Variants in FGF12 observed in about 807,000 individuals in gnomAD.
FGF12 encodes the protein fibroblast growth factor 12.
FGF12 carries 14 observed loss-of-function variants against 23.6 expected under a neutral mutation model. The observed-to-expected ratio is 0.59, with a 90% confidence interval of 0.39 to 0.93. The LOEUF (loss-of-function observed/expected upper bound fraction) is 0.93, where lower values mean the gene tolerates loss of function less well. FGF12 is among the 40% of genes least tolerant of loss of function. The pLI is 0.00. For missense variants in FGF12, 175 were observed against 217.8 expected, an observed-to-expected ratio of 0.80 and a Z score of 1.24; for synonymous variants, 62 against 77.3, an observed-to-expected ratio of 0.80 and a Z score of 1.04.
chr3:192,245,172 T>C (rs974849732), intron 4 of FGF12, among the ~76,000 whole-genome samples: 1 of 152,222 alleles, frequency 6.6e-6, no homozygotes, highest in African/African-American at 2.4e-5. Context: ...CAAATCTCAC[T>C]GCAGCCTTGA....
At chr3:192,301,581 A>G (rs9877210) in intron 4 of FGF12, among the ~76,000 whole-genome samples, 43,444 of 152,046 alleles carry the variant, frequency 0.29, 11,768 homozygotes, top group African/African-American at 0.7. Flanking sequence ...TCTACGGAGG[A>G]AAAGAGTACT....
chr3:192,369,319 G>A (rs990763512), intron 2 of FGF12, among the ~76,000 whole-genome samples: 6 of 152,108 alleles, frequency 3.9e-5, no homozygotes, highest in Admixed American at 6.6e-5. Flanking sequence ...CCTCTAATGC[G>A]TTTCTTCCAA....
chr3:192,645,518 G>A (rs754612136), intron 2 of FGF12, among the ~76,000 whole-genome samples: 4 of 151,982 alleles, frequency 2.6e-5, no homozygotes. Flanking sequence ...GGTGAAGAAA[G>A]ATAATGAGTC....
chr3:192,276,243 C>T (rs145984345), intron 4 of FGF12, among the ~76,000 whole-genome samples: 173 of 152,282 alleles, frequency 1.1e-3, no homozygotes, highest in African/African-American at 3.1e-3. Context: ...TTTCTTTTCC[C>T]TCACAAGAGC....
At chr3:192,260,008 TGGGC>T (rs1308363965) in intron 4 of FGF12, among the ~76,000 whole-genome samples, 1 of 152,160 alleles carries the variant, frequency 6.6e-6, no homozygotes, top group Non-Finnish European at 1.5e-5. Context: ...GTAAAATCTG[TGGGC>T]TTAGCCTAAG....
chr3:192,607,211 A>C (rs899448566), intron 2 of FGF12, among the ~76,000 whole-genome samples: 1 of 152,166 alleles, frequency 6.6e-6, no homozygotes. Context: ...AACCCACATG[A>C]AGCTGCCACA....
intron 4 of FGF12, among the ~76,000 whole-genome samples, chr3:192,288,157 G>A (rs1449219141): frequency 1.3e-5 from 2 of 152,056 alleles, no homozygotes; most frequent in Non-Finnish European, 2.9e-5. Flanking sequence ...AGCGATGTGT[G>A]GGCAGGGAAA....
intron 2 of FGF12, among the ~76,000 whole-genome samples, chr3:192,570,821 A>C (rs1365197986): frequency 6.6e-6 from 1 of 152,226 alleles, no homozygotes; most frequent in Non-Finnish European, 1.5e-5. Context: ...TATGTATAAG[A>C]AAAAATAAAA....
At chr3:192,720,831 C>A (rs557813508) in intron 2 of FGF12, among the ~76,000 whole-genome samples, 1 of 152,176 alleles carries the variant, frequency 6.6e-6, no homozygotes, top group Non-Finnish European at 1.5e-5. Flanking sequence ...GGACATACAT[C>A]ATCACCTGAG....
chr3:192,223,445 T>C (rs969554534), intron 4 of FGF12, among the ~76,000 whole-genome samples: 3 of 152,184 alleles, frequency 2.0e-5, no homozygotes, highest in African/African-American at 4.8e-5. Context: ...TAAAGGGCAA[T>C]TATTTCTATT....
chr3:192,281,970 G>A (rs374663011), intron 4 of FGF12, among the ~76,000 whole-genome samples: 3 of 152,094 alleles, frequency 2.0e-5, no homozygotes, highest in Admixed American at 6.6e-5. Flanking sequence ...AATTAGAAAC[G>A]AGAATTAACC....
chr3:192,580,142 A>G (rs575640308), intron 2 of FGF12, among the ~76,000 whole-genome samples: 1 of 152,162 alleles, frequency 6.6e-6, no homozygotes, highest in African/African-American at 2.4e-5. Flanking sequence ...CAAGACATAC[A>G]ACGTTGTAGC....
chr3:192,241,612 ACTCT>A (rs1016989101), intron 4 of FGF12, among the ~76,000 whole-genome samples: 7 of 151,806 alleles, frequency 4.6e-5, no homozygotes, highest in Non-Finnish European at 1.0e-4. Context: ...CAGAAGCAGC[ACTCT>A]CTCTCTCTCC....
intron 4 of FGF12, among the ~76,000 whole-genome samples, chr3:192,270,708 G>C (rs1713377429): frequency 1.3e-5 from 2 of 151,340 alleles, no homozygotes; most frequent in Non-Finnish European, 2.9e-5. Flanking sequence ...CCAGATTGTA[G>C]AAGAAAAATG....
At chr3:192,626,103 T>C (rs1477411364) in intron 2 of FGF12, among the ~76,000 whole-genome samples, 2 of 152,224 alleles carry the variant, frequency 1.3e-5, no homozygotes, top group Non-Finnish European at 2.9e-5. Context: ...ATGACTGCCA[T>C]TTTTAACACA....
At chr3:192,705,829 A>G (rs1718450810) in intron 2 of FGF12, among the ~76,000 whole-genome samples, 1 of 152,212 alleles carries the variant, frequency 6.6e-6, no homozygotes, top group Non-Finnish European at 1.5e-5. Context: ...TATAATTTTT[A>G]AGCCATGTTG....
At chr3:192,698,130 G>A (rs1170971904) in intron 2 of FGF12, among the ~76,000 whole-genome samples, 1 of 152,098 alleles carries the variant, frequency 6.6e-6, no homozygotes, top group Non-Finnish European at 1.5e-5. Context: ...ATATAAAGCA[G>A]TGCTTAGCAC....
chr3:192,584,968 G>T (rs1271302040), intron 2 of FGF12, among the ~76,000 whole-genome samples: 1 of 152,072 alleles, frequency 6.6e-6, no homozygotes, highest in Non-Finnish European at 1.5e-5. Flanking sequence ...CTAGCTAGGT[G>T]CCTTGCTGAA....
At chr3:192,510,868 AT>A (rs1462532377) in intron 2 of FGF12, among the ~76,000 whole-genome samples, 1 of 152,264 alleles carries the variant, frequency 6.6e-6, no homozygotes, top group Non-Finnish European at 1.5e-5. Flanking sequence ...AGAAGTCAAT[AT>A]AAAAAGGCTA....
Sources: allele counts gnomAD v4.1 joint callset (sites outside exome capture counted in the v4.1 genomes callset), GRCh38; gene constraint gnomAD v4.1.1; transcripts MANE v1.5; gene names NCBI Gene and HGNC (gene_info 2026-07-23, HGNC 2026-07-21).